KCNMB1: variants seen among roughly 807,000 people sequenced by gnomAD.
KCNMB1 encodes calcium-activated potassium channel subunit beta-1.
In KCNMB1, 22 loss-of-function variants were observed where a neutral mutation model predicts 21.7. The ratio of observed to expected loss-of-function variants is 1.01; its 90% confidence interval spans 0.72 to 1.45. The LOEUF is 1.45. Among genes scored for constraint, KCNMB1 ranks in the 40% most tolerant of loss-of-function variants. The pLI, the probability that KCNMB1 is intolerant of heterozygous loss-of-function variation, is 0.00. For synonymous variants in KCNMB1, 114 were observed against 107.6 expected, an observed-to-expected ratio of 1.06 and a Z score of -0.37; for missense variants, 243 against 243.4, an observed-to-expected ratio of 1.00 and a Z score of 0.01.
chr5:170,385,284 G>T lies in KCNMB1; in HGVS notation c.134+30C>A, dbSNP rs45477597. On this transcript the variant is annotated intron_variant, in intron 2 of 3. Transcript: ENST00000274629. ...ATGCCAGACCCTTAGGAGAGGGTTG[G>T]GGGGTGGGCAGGCCGGGAGAGCTCA... is the stretch of plus-strand genomic sequence containing the variant. 2.0e-5 allele frequency: 32 copies of T among 1,613,434 alleles called. No homozygotes were observed. The African/African-American group carries it at 3.1e-4, about 15-fold the overall frequency.
At chr5:170,383,610 A>G (rs762489262) in intron 3 of KCNMB1, 69 bp downstream of exon 3, 55 of 1,550,170 alleles carry the variant, frequency 3.5e-5, no homozygotes, top group South Asian at 3.0e-4. Flanking sequence ...GGGGACAGGG[A>G]CAGTTAGGAA....
intron 3 of KCNMB1, among the ~76,000 whole-genome samples, chr5:170,381,573 G>A (rs927962993): frequency 1.3e-5 from 2 of 152,184 alleles, no homozygotes; most frequent in Non-Finnish European, 2.9e-5. Context: ...AACACGAAGG[G>A]CATTTCCACT....
chr5:170,379,088 C>T (rs930156452), intron 3 of KCNMB1, 115 bp from the exon 4 acceptor site: 5 of 1,288,874 alleles, frequency 3.9e-6, no homozygotes, highest in Admixed American at 2.4e-5. Flanking sequence ...GGATTGGAGT[C>T]GGGGCTTTGG....
intron 1 of KCNMB1, among the ~76,000 whole-genome samples, chr5:170,386,740 A>G (rs1270777006): frequency 6.6e-6 from 1 of 151,764 alleles, no homozygotes; most frequent in Non-Finnish European, 1.5e-5. Flanking sequence ...AAGAAGAAAG[A>G]AGGCATCATG....
At position 170,377,316 on chromosome 5, in the gene KCNMB1, TGA is replaced by T. The variant is rs997514194; in HGVS notation, c.*1386_*1387del. The T allele has an allele frequency of 1.3e-5, 2 of 152,256 alleles. No individual in the cohort carries two copies. Among genetic ancestry groups the T allele is most frequent in the African/African-American group, 4.8e-5 (2 of 41,438 alleles). The allele number at this position is 152,256 out of a possible 1,614,324, so 9.4% of individuals were successfully genotyped here. Reference sequence around the variant, plus strand: ...GCGTGGTGGGGCTGGGACAGGGGCCTGAGAGTGTGCATTTCTCACAAGCTGCC... The same window carrying T: ...GCGTGGTGGGGCTGGGACAGGGGCCTGAGTGTGCATTTCTCACAAGCTGCC... On this transcript the variant is annotated 3_prime_UTR_variant, in exon 4 of 4. Transcript: ENST00000274629.
rs753719565 is a variant in KCNMB1 at position 170,375,715 on chromosome 5, G to C, written c.*2989C>G. 6.6e-6 allele frequency: 1 copy of C among 152,286 alleles called. No homozygotes were observed. Among genetic ancestry groups the C allele is most frequent in the Non-Finnish European group, 1.5e-5 (1 of 68,082 alleles). 9.4% of individuals were successfully genotyped at this position (152,286 alleles called of 1,614,324 possible). ...TTGAGTCCTAGCCCCTCACTTTACA[G>C]ATGGCCTTGGCCAGTTACCTCTTAC... On this transcript the variant is annotated 3_prime_UTR_variant, in exon 4 of 4. Coordinates refer to ENST00000274629, the MANE Select transcript of KCNMB1 (RefSeq NM_004137.4).
intron 3 of KCNMB1, 47 bp from the exon 4 acceptor site, chr5:170,379,020 C>A: frequency 6.3e-7 from 1 of 1,594,188 alleles, no homozygotes; most frequent in South Asian, 1.1e-5. Flanking sequence ...ATCCCCATTT[C>A]TTAGCCAAGG....
chr5:170,380,797 T>C (rs956803470), intron 3 of KCNMB1, among the ~76,000 whole-genome samples: 2 of 152,168 alleles, frequency 1.3e-5, no homozygotes, highest in African/African-American at 2.4e-5. Context: ...AGTGTGGCTA[T>C]GGAGTCAGAC....
intron 1 of KCNMB1, 48 bp downstream of exon 1, chr5:170,389,211 G>C (rs375540293): frequency 6.6e-6 from 1 of 152,180 alleles, no homozygotes; most frequent in South Asian, 2.1e-4. Flanking sequence ...CCTCCAGCCC[G>C]GTCTTCAGAG....
At chr5:170,383,618 G>GT in intron 3 of KCNMB1, 61 bp downstream of exon 3, 1 of 1,581,938 alleles carries the variant, frequency 6.3e-7, no homozygotes, top group Non-Finnish European at 8.7e-7. Flanking sequence ...GGACAGTTAG[G>GT]AACAGGCTCA....
chr5:170,386,259 A>T (rs1287007383), intron 1 of KCNMB1, among the ~76,000 whole-genome samples: 1 of 152,200 alleles, frequency 6.6e-6, no homozygotes, highest in Non-Finnish European at 1.5e-5. Flanking sequence ...ACAGATGAGA[A>T]AGCTAAGGTG....
rs1439034807 is a variant in KCNMB1 at position 170,385,391 on chromosome 5, C to T, written c.57G>A (p.Leu19=). Residue 19 remains leucine, a synonymous_variant, in exon 2 of 4, where the codon CTG becomes CTA. Transcript: ENST00000274629. ...CGGCACACACCACCATGGTTACACC[C>T]AGGCAAAGGGCTCGTGTCTCTCCCC... ...QKRGETRALC[L]GVTMVVCAVI... The T allele has an allele frequency of 2.5e-6, 4 of 1,613,972 alleles. No homozygotes were observed. Among genetic ancestry groups the T allele is most frequent in the Admixed American group, 3.3e-5 (2 of 59,996 alleles).
At position 170,374,904 on chromosome 5, in the gene KCNMB1, A is replaced by T. The variant is rs1044129135; in HGVS notation, c.*3800T>A. 4.6e-5 allele frequency: 7 copies of T among 152,180 alleles called. No homozygotes were observed. Among genetic ancestry groups the T allele is most frequent in the South Asian group, 2.1e-4 (1 of 4,828 alleles). The allele number at this position is 152,180 out of a possible 1,614,324, so 9.4% of individuals were successfully genotyped here. A position where few individuals can be genotyped will look rare whatever the true frequency, so the allele number is the denominator to read the frequency against. The stretch of plus-strand genomic sequence containing the variant: ...CTATCTCAAGCAAATGAAGGTCATC[A>T]TTAATAATTTATGGGACAGTGGGGG... On this transcript the variant is annotated 3_prime_UTR_variant, in exon 4 of 4. Transcript: ENST00000274629.
chr5:170,381,671 T>A (rs1039989519), intron 3 of KCNMB1, among the ~76,000 whole-genome samples: 1 of 152,242 alleles, frequency 6.6e-6, no homozygotes, highest in Admixed American at 6.5e-5. Context: ...GGCTCCAGCA[T>A]GTCCTTCCTT....
At chr5:170,381,902 G>A (rs1443376491) in intron 3 of KCNMB1, among the ~76,000 whole-genome samples, 2 of 152,188 alleles carry the variant, frequency 1.3e-5, no homozygotes, top group African/African-American at 4.8e-5. Flanking sequence ...TGGGCCCTGA[G>A]ACCTCTCTCC....
At chr5:170,380,856 T>C (rs937204608) in intron 3 of KCNMB1, among the ~76,000 whole-genome samples, 1 of 152,196 alleles carries the variant, frequency 6.6e-6, no homozygotes, top group Non-Finnish European at 1.5e-5. Flanking sequence ...ACAACCTCAC[T>C]GGGCCTTGTA....
At chr5:170,383,343 C>T (rs1486912077) in intron 3 of KCNMB1, 1 of 578,700 alleles carries the variant, frequency 1.7e-6, no homozygotes, top group Non-Finnish European at 3.1e-6. Flanking sequence ...CCACTATCCA[C>T]TCAGCATCAA....
chr5:170,384,689 T>C (rs1324533458), intron 2 of KCNMB1, among the ~76,000 whole-genome samples: 1 of 152,218 alleles, frequency 6.6e-6, no homozygotes, highest in Non-Finnish European at 1.5e-5. Context: ...ACTGAGTGTC[T>C]TTGTTCCAAA....
At chr5:170,385,262 C>T (rs1764416970) in intron 2 of KCNMB1, 52 bp downstream of exon 2, 3 of 1,607,184 alleles carry the variant, frequency 1.9e-6, no homozygotes, top group Non-Finnish European at 1.7e-6. Flanking sequence ...CTTACAGATG[C>T]CAGACCCTTA....
Sources: gnomAD v4.1 joint callset for allele counts (sites outside exome capture counted in the v4.1 genomes callset) on GRCh38, gnomAD v4.1.1 for gene constraint, MANE v1.5 for transcripts, NCBI Gene and HGNC (gene_info 2026-07-23, HGNC 2026-07-21) for gene names.